Variants in SLIT3 observed in about 807,000 individuals in gnomAD.
SLIT3 encodes slit guidance ligand 3.
Under a neutral mutation model 184.0 loss-of-function variants are expected in SLIT3, and 68 were observed. That is an observed-to-expected ratio of 0.37 (90% CI 0.30 to 0.45). The LOEUF (loss-of-function observed/expected upper bound fraction) is 0.45, where lower values mean the gene tolerates loss of function less well. SLIT3 is among the 20% of genes least tolerant of loss of function. SLIT3 has a pLI of 1.00. For synonymous variants in SLIT3, 831 were observed against 828.6 expected (o/e 1.00, Z -0.05); for missense variants, 1,707 against 2,026.0 (o/e 0.84, Z 3.02).
chr5:168,810,064 G>T (rs893528303), intron 8 of SLIT3, among the ~76,000 whole-genome samples: 24 of 152,324 alleles, frequency 1.6e-4, no homozygotes, highest in African/African-American at 5.5e-4. Flanking sequence ...AGTCTACTGA[G>T]CTCTGTCAGC....
In SLIT3 at chr5:168,671,927, GAGATA is replaced by G. The variant is rs199960556; in HGVS notation, c.3842-449_3842-445del. 6.8e-3 allele frequency among the ~76,000 whole-genome samples: 1,029 copies of G among 152,280 alleles called. 7 individuals are homozygous for G. Among genetic ancestry groups the G allele is most frequent in the African/African-American group, 0.018 (732 of 41,548 alleles). On this transcript the variant is annotated intron_variant, in intron 33 of 35. Transcript: ENST00000519560. ...CCAGGGCAGGTGAGCTACAGCTGAGGAGATAAGATAAGGTTTTGGGGAGCTGCTTG... is the reference window on the plus strand; with the variant it reads ...CCAGGGCAGGTGAGCTACAGCTGAGGAGATAAGGTTTTGGGGAGCTGCTTG...
At chr5:169,252,694 TTA>T (rs927326360) in intron 1 of SLIT3, among the ~76,000 whole-genome samples, 1 of 152,162 alleles carries the variant, frequency 6.6e-6, no homozygotes, top group Admixed American at 6.5e-5. Context: ...TTCTGAACAT[TTA>T]TATACTAAGA....
intron 12 of SLIT3, among the ~76,000 whole-genome samples, chr5:168,784,624 G>A (rs1042665181): frequency 2.0e-5 from 3 of 152,216 alleles, no homozygotes; most frequent in African/African-American, 7.2e-5. Flanking sequence ...GAGGAAAGAT[G>A]TAAGAAAGGG....
chr5:169,030,290 C>T (rs1756979427), intron 4 of SLIT3: 1 of 152,234 alleles, frequency 6.6e-6, no homozygotes, highest in African/African-American at 2.4e-5. Context: ...AAAGGCCTTT[C>T]CTAGTCCACT....
chr5:168,687,176 C>T (rs1186388429), intron 29 of SLIT3, 60 bp from the exon 30 acceptor site: 1 of 1,590,186 alleles, frequency 6.3e-7, no homozygotes, highest in Non-Finnish European at 8.6e-7. Context: ...CAGGCAGTCA[C>T]TCTCCAGCCC....
At position 168,749,645 on chromosome 5, in the gene SLIT3, G is replaced by C. The variant is rs137942366; in HGVS notation, c.1974-10C>G. 1.9e-5 allele frequency: 30 copies of C among 1,613,992 alleles called. No individual in the cohort carries two copies. Among genetic ancestry groups the C allele is most frequent in the South Asian group, 2.2e-5 (2 of 91,084 alleles). ...GTTGGACAGGAGGTTTCTAGGAAGA[G>C]AGAAGGGTGCTTAGCCTCCATCCTT... is the stretch of plus-strand genomic sequence containing the variant. On this transcript the variant is annotated splice_polypyrimidine_tract_variant and intron_variant, in intron 18 of 35. Coordinates refer to ENST00000519560, the MANE Select transcript of SLIT3 (RefSeq NM_003062.4).
rs780887734 is a variant in SLIT3 at position 168,671,404 on chromosome 5, A to T, written c.3921T>A (p.His1307Gln). Residue 1307 changes from histidine to glutamine, a missense_variant, in exon 34 of 36, where the codon CAT (histidine) becomes CAA (glutamine). His to Gln is a conservative substitution (Grantham distance 24). Transcript: ENST00000519560. ...RPLGGFHGCI[H>Q]EVRINNELQD... ...GCAGCTCGTTGTTGATGCGCACCTC[A>T]TGGATGCATCCGTGGAAGCCGCCTA... 2.5e-6 allele frequency: 4 copies of T among 1,613,848 alleles called. No individual in the cohort carries two copies. Among genetic ancestry groups the T allele is most frequent in the Non-Finnish European group, 3.4e-6 (4 of 1,179,826 alleles).
intron 4 of SLIT3, among the ~76,000 whole-genome samples, chr5:169,181,101 C>A (rs186951415): frequency 6.1e-4 from 93 of 152,328 alleles, no homozygotes; most frequent in Non-Finnish European, 1.1e-3. Context: ...CAAAGAGCTT[C>A]CCCCAACCAT....
intron 4 of SLIT3, among the ~76,000 whole-genome samples, chr5:168,990,843 A>G (rs1400262085): frequency 6.6e-6 from 1 of 152,160 alleles, no homozygotes; most frequent in African/African-American, 2.4e-5. Context: ...ACCCAATAAC[A>G]TTATGTTGTC....
chr5:169,192,029 G>T (rs1459703925), intron 4 of SLIT3, among the ~76,000 whole-genome samples: 1 of 152,166 alleles, frequency 6.6e-6, no homozygotes, highest in Non-Finnish European at 1.5e-5. Context: ...ACTGGGTGGA[G>T]AGATAGTGAT....
At chr5:168,959,920 C>T (rs996884260) in intron 4 of SLIT3, among the ~76,000 whole-genome samples, 21 of 152,294 alleles carry the variant, frequency 1.4e-4, no homozygotes, top group African/African-American at 4.6e-4. Context: ...GTAGGAACTA[C>T]TATCATCCTC....
rs1318593396 is a variant in SLIT3 at position 169,244,688 on chromosome 5, G to T, written c.341+17C>A. ...TGTAAATAAATACTTTAAGAAAGGA[G>T]GCTGTACTGTACTTACAGTCGCTCT... On this transcript the variant is annotated intron_variant, in intron 3 of 35. Coordinates refer to ENST00000519560, the MANE Select transcript of SLIT3 (RefSeq NM_003062.4). The T allele has an allele frequency of 1.2e-6, 2 of 1,602,836 alleles. No homozygotes were observed. Among genetic ancestry groups the T allele is most frequent in the Non-Finnish European group, 1.7e-6 (2 of 1,170,100 alleles).
chr5:169,216,378 T>A (rs1041510131), intron 3 of SLIT3, among the ~76,000 whole-genome samples: 2 of 152,162 alleles, frequency 1.3e-5, no homozygotes, highest in Non-Finnish European at 2.9e-5. Flanking sequence ...CTCTCACCAT[T>A]TTTCTGGCCT....
intron 4 of SLIT3, among the ~76,000 whole-genome samples, chr5:169,081,219 AG>A (rs1167410362): frequency 6.6e-6 from 1 of 152,120 alleles, no homozygotes; most frequent in Non-Finnish European, 1.5e-5. Context: ...GGCCCCCTGG[AG>A]GGGTGCAGTG....
chr5:168,869,158 G>T (rs1759420786), intron 5 of SLIT3, among the ~76,000 whole-genome samples: 1 of 152,196 alleles, frequency 6.6e-6, no homozygotes, highest in South Asian at 2.1e-4. Context: ...AAAATTTACT[G>T]ATTTTTTGAA....
At chr5:169,052,396 A>G (rs1435559179) in intron 4 of SLIT3, among the ~76,000 whole-genome samples, 1 of 152,154 alleles carries the variant, frequency 6.6e-6, no homozygotes, top group Non-Finnish European at 1.5e-5. Flanking sequence ...AGTGTCTCCT[A>G]TAGTTAGGAG....
At chr5:168,832,911 A>G (rs1757926629) in intron 6 of SLIT3, among the ~76,000 whole-genome samples, 1 of 152,236 alleles carries the variant, frequency 6.6e-6, no homozygotes, top group Non-Finnish European at 1.5e-5. Flanking sequence ...AATTCATTCA[A>G]TAATTTAAAT....
At chr5:168,837,304 A>C (rs1351994621) in intron 6 of SLIT3, among the ~76,000 whole-genome samples, 2 of 152,204 alleles carry the variant, frequency 1.3e-5, no homozygotes, top group Non-Finnish European at 2.9e-5. Flanking sequence ...GTCATGACTA[A>C]ACACCCTGAT....
At chr5:168,690,027 T>C (rs773646516) in intron 29 of SLIT3, among the ~76,000 whole-genome samples, 6 of 152,206 alleles carry the variant, frequency 3.9e-5, no homozygotes, top group Non-Finnish European at 7.3e-5. Flanking sequence ...TTAGTTACAA[T>C]AGAGGTTTCT....
Sources: gnomAD v4.1 joint callset for allele counts (sites outside exome capture counted in the v4.1 genomes callset) on GRCh38, gnomAD v4.1.1 for gene constraint, MANE v1.5 for transcripts, NCBI Gene and HGNC (gene_info 2026-07-23, HGNC 2026-07-21) for gene names.